The following CCNB3 variants were observed in gnomAD, a reference collection of about 807,000 sequenced individuals.
CCNB3 encodes the protein G2/mitotic-specific cyclin-B3.
In CCNB3, 12 loss-of-function variants were observed where a neutral mutation model predicts 68.0. That is an observed-to-expected ratio of 0.18 (90% confidence interval 0.11 to 0.29). The LOEUF (loss-of-function observed/expected upper bound fraction) is 0.29. Ranked by LOEUF, CCNB3 falls within the 10% of genes least tolerant of loss-of-function variation. The pLI is 1.00. For synonymous variants in CCNB3, 354 were observed against 388.9 expected (o/e 0.91, Z 1.06); for missense variants, 904 against 993.1 (o/e 0.91, Z 1.21).
chrX:50,343,776 C>T (rs1569543538), intron 9 of CCNB3, among the ~76,000 whole-genome samples: 1 of 112,165 alleles, frequency 8.9e-6, no homozygotes, highest in African/African-American at 3.2e-5. Flanking sequence ...TTTTATACAG[C>T]TTTATACTGT....
chrX:50,334,499 CT>C (rs1327888679), intron 8 of CCNB3, among the ~76,000 whole-genome samples: 2 of 112,668 alleles, frequency 1.8e-5, no homozygotes, highest in African/African-American at 6.4e-5. Flanking sequence ...TTATCTGCTT[CT>C]TGTGCTAACA....
chrX:50,279,326 A>ATTAT (rs1936031339), intron 1 of CCNB3, among the ~76,000 whole-genome samples: 1 of 75,390 alleles, frequency 1.3e-5, no homozygotes, highest in African/African-American at 5.4e-5. Flanking sequence ...TATATATTTA[A>ATTAT]ATATATATGA....
chrX:50,297,985 T>C, intron 5 of CCNB3, among the ~76,000 whole-genome samples: 1 of 112,000 alleles, frequency 8.9e-6, no homozygotes, highest in Non-Finnish European at 1.9e-5. Context: ...GGATTTTGTA[T>C]CCTGAGAATT....
chrX:50,298,239 G>T (rs1459780264), intron 5 of CCNB3, among the ~76,000 whole-genome samples: 2 of 111,509 alleles, frequency 1.8e-5, no homozygotes, highest in Admixed American at 9.5e-5. Context: ...TCCAGTTTTT[G>T]TCCATTCAGT....
rs781922304 is a variant in CCNB3 at position 50,341,397 on chromosome X, C to T, written c.3517-805C>T. ...TAAGTAAAAATTTAAAAATAAATAA[C>T]TTTACAAAGGTAGACAAATATCAAA... On this transcript the variant is annotated intron_variant, in intron 8 of 12. Transcript: ENST00000376042. 2.3e-4 allele frequency among the ~76,000 whole-genome samples: 25 copies of T among 106,746 alleles called. No homozygotes were observed. The East Asian group carries it at 6.4e-3, about 27-fold the overall frequency. 92.7% of individuals were successfully genotyped at this position (106,746 alleles called of 115,157 possible).
intron 5 of CCNB3, among the ~76,000 whole-genome samples, chrX:50,301,265 T>C (rs1317159726): frequency 9.0e-6 from 1 of 111,611 alleles, no homozygotes; most frequent in Non-Finnish European, 1.9e-5. Flanking sequence ...CTTTGTGGTT[T>C]TATCTGCCTT....
At chrX:50,279,684 CTA>C (rs1936063420) in intron 1 of CCNB3, among the ~76,000 whole-genome samples, 1 of 83,619 alleles carries the variant, frequency 1.2e-5, no homozygotes, top group Non-Finnish European at 2.3e-5. Flanking sequence ...GTACATTCAT[CTA>C]TGCAAACATA....
intron 5 of CCNB3, among the ~76,000 whole-genome samples, chrX:50,295,566 T>C (rs1178801743): frequency 8.9e-6 from 1 of 111,777 alleles, no homozygotes; most frequent in Non-Finnish European, 1.9e-5. Flanking sequence ...TGGGAATTAT[T>C]CTTCAGGGAC....
rs146010659 is a variant in CCNB3 at position 50,290,864 on chromosome X, T to C, written c.204+1977T>C. 5.1e-4 allele frequency among the ~76,000 whole-genome samples: 57 copies of C among 111,880 alleles called. No homozygotes were observed. In the East Asian group the frequency reaches 0.014, roughly 28 times the overall value. Reference sequence around the variant, plus strand: ...GAAGATTTACCTTGGTTACCTTGAATGGTCTTTGGTGCCTTCCAGAGACAG... The same window carrying C: ...GAAGATTTACCTTGGTTACCTTGAACGGTCTTTGGTGCCTTCCAGAGACAG... On this transcript the variant is annotated intron_variant, in intron 4 of 12. Coordinates refer to ENST00000376042, the MANE Select transcript of CCNB3 (RefSeq NM_033031.3).
chrX:50,227,116 T>A (rs1392742561), intron 1 of CCNB3, among the ~76,000 whole-genome samples: 5 of 79,148 alleles, frequency 6.3e-5, no homozygotes, highest in Admixed American at 1.8e-4. Context: ...TACAAATATA[T>A]AGAATATATA....
chrX:50,207,003 C>T (rs782788128), intron 1 of CCNB3, among the ~76,000 whole-genome samples: 2 of 111,456 alleles, frequency 1.8e-5, no homozygotes, highest in African/African-American at 6.5e-5. Flanking sequence ...TAGGAGAACA[C>T]CCCGTAAAAA....
intron 8 of CCNB3, among the ~76,000 whole-genome samples, chrX:50,338,298 G>A (rs1385137001): frequency 1.8e-5 from 2 of 112,331 alleles, no homozygotes; most frequent in Non-Finnish European, 3.8e-5. Context: ...CTCAGACACC[G>A]AGTTGTGGAA....
chrX:50,215,824 T>G (rs1162157100), intron 1 of CCNB3, among the ~76,000 whole-genome samples: 1 of 111,505 alleles, frequency 9.0e-6, no homozygotes, highest in Non-Finnish European at 1.9e-5. Flanking sequence ...CCACTTTTGT[T>G]TGTTTAAAAT....
At chrX:50,215,189 C>G (rs1248446628) in intron 1 of CCNB3, among the ~76,000 whole-genome samples, 2 of 109,749 alleles carry the variant, frequency 1.8e-5, no homozygotes, top group East Asian at 2.9e-4. Flanking sequence ...CAGCGTTACA[C>G]TGTGTTAGCC....
At chrX:50,325,382 A>G (rs73495657) in intron 8 of CCNB3, among the ~76,000 whole-genome samples, 2,593 of 111,717 alleles carry the variant, frequency 0.023, 65 homozygotes, top group African/African-American at 0.081. Flanking sequence ...TGCTCCTGAG[A>G]AAAAAAATTA....
At chrX:50,282,458 C>T (rs1936156207) in intron 1 of CCNB3, among the ~76,000 whole-genome samples, 1 of 111,784 alleles carries the variant, frequency 8.9e-6, no homozygotes, top group African/African-American at 3.2e-5. Context: ...GTTTCAGCAC[C>T]AGCCCTGGGA....
chrX:50,332,667 G>A (rs1557218235), intron 8 of CCNB3, among the ~76,000 whole-genome samples: 8 of 110,950 alleles, frequency 7.2e-5, no homozygotes, highest in Non-Finnish European at 5.7e-5. Flanking sequence ...ATCCAGGCTG[G>A]GATTCCTTCT....
At chrX:50,333,332 C>T (rs1922696241) in intron 8 of CCNB3, among the ~76,000 whole-genome samples, 1 of 111,650 alleles carries the variant, frequency 9.0e-6, no homozygotes. Flanking sequence ...TAAGTACACA[C>T]ACGAACCAGC....
chrX:50,331,779 A>C (rs1289989213), intron 8 of CCNB3, among the ~76,000 whole-genome samples: 1 of 111,568 alleles, frequency 9.0e-6, no homozygotes, highest in African/African-American at 3.3e-5. Context: ...GCGTTTGTAA[A>C]CTTCTCCTCG....
Sources: allele counts gnomAD v4.1 joint callset (sites outside exome capture counted in the v4.1 genomes callset), GRCh38; gene constraint gnomAD v4.1.1; transcripts MANE v1.5; gene names NCBI Gene and HGNC (gene_info 2026-07-23, HGNC 2026-07-21).